The following PRKX variants were observed in gnomAD, a reference collection of about 807,000 sequenced individuals.
PRKX encodes protein kinase cAMP-dependent X-linked catalytic subunit.
A neutral mutation model predicts 22.0 loss-of-function variants in PRKX; 12 were observed. The ratio of observed to expected loss-of-function variants is 0.54; its 90% CI spans 0.35 to 0.88. The LOEUF is 0.88. Ranked by LOEUF, PRKX falls within the 40% of genes least tolerant of loss-of-function variation. PRKX has a pLI of 0.01. For missense variants in PRKX, 217 were observed against 308.0 expected (o/e 0.70, Z 2.21); for synonymous variants, 134 against 137.7 (o/e 0.97, Z 0.19).
intron 1 of PRKX, among the ~76,000 whole-genome samples, chrX:3,687,851 A>T (rs1286761769): frequency 8.9e-6 from 1 of 111,906 alleles, no homozygotes; most frequent in African/African-American, 3.2e-5. Flanking sequence ...CTCCGCTGAG[A>T]CACCAAGGAC....
chrX:3,660,235 G>C (rs754372368), intron 2 of PRKX, among the ~76,000 whole-genome samples: 1 of 111,858 alleles, frequency 8.9e-6, no homozygotes, highest in African/African-American at 3.2e-5. Flanking sequence ...ATAAACTTCT[G>C]TGTCAGCTGG....
In PRKX at chrX:3,659,725, TTTTG is replaced by T. The variant is rs373310927; in HGVS notation, c.336-4317_336-4314del. On this transcript the variant is annotated intron_variant, in intron 2 of 8. Coordinates refer to ENST00000262848, the MANE Select transcript of PRKX (RefSeq NM_005044.5). Reference sequence around the variant, plus strand: ...GGAGTGGTGTTTTTTTTGTTTTTTTTTTTGTTTTTTTTTTTTTTGAGACAGTCTT... The same window carrying T: ...GGAGTGGTGTTTTTTTTGTTTTTTTTTTTTTTTTTTTTTTGAGACAGTCTT... Among the ~76,000 whole-genome samples the T allele has an allele frequency of 8.3e-4, 21 of 25,244 alleles. 1 individual carries two copies. The highest frequency in any genetic ancestry group is 9.4e-4 in the Non-Finnish European group (15 of 15,995). The allele number at this position is 25,244 out of a possible 115,157, so 21.9% of individuals were successfully genotyped here. A position where few individuals can be genotyped will look rare whatever the true frequency, so the allele number is the denominator to read the frequency against.
chrX:3,614,479 C>T lies in PRKX; in HGVS notation c.951+1336G>A, dbSNP rs558963915. On this transcript the variant is annotated intron_variant, in intron 7 of 8. Transcript: ENST00000262848. ...CTCCAGCCTGGGCAACAGAGCAAGA[C>T]GCTGTCTCAAAAAATAAATAATAAA... 3.4e-4 allele frequency among the ~76,000 whole-genome samples: 38 copies of T among 111,907 alleles called. 1 individual carries two copies. The South Asian group carries it at 0.01, about 30-fold the overall frequency.
chrX:3,705,015 T>C (rs1346714175), intron 1 of PRKX, among the ~76,000 whole-genome samples: 1 of 111,804 alleles, frequency 8.9e-6, no homozygotes. Context: ...GAGGTAATGA[T>C]AGACCAGCGC....
chrX:3,626,445 G>A lies in PRKX; in HGVS notation c.789C>T (p.Phe263=). Reference sequence around the variant, plus strand: ...TTACATGGAAATCCAAATGTCTGGGGAAATCTATTTTGCCTGCAAGAATTT... The same window carrying A: ...TTACATGGAAATCCAAATGTCTGGGAAAATCTATTTTGCCTGCAAGAATTT... ...YQKILAGKID[F]PRHLDFHVKD... The change falls in exon 5 of 9, where the codon TTC becomes TTT. Residue 263 remains phenylalanine, a synonymous_variant. Transcript: ENST00000262848. The A allele has an allele frequency of 2.5e-6, 3 of 1,209,513 alleles. No homozygotes were observed. The highest frequency in any genetic ancestry group is 3.4e-6 in the Non-Finnish European group (3 of 893,478).
chrX:3,697,338 C>G (rs1334455949), intron 1 of PRKX, among the ~76,000 whole-genome samples: 7 of 111,393 alleles, frequency 6.3e-5, no homozygotes, highest in African/African-American at 2.0e-4. Context: ...TGCACTCCAG[C>G]CTGGGTGACA....
At position 3,613,854 on chromosome X, in the gene PRKX, C is replaced by CAAAAAAAAAAAAAAAAAAAAAAA. The variant is rs1205221732; in HGVS notation, c.952-1552_952-1530dup. ...TGAGCGACAAAGTGAGACTCCATCT[C>CAAAAAAAAAAAAAAAAAAAAAAA]AAAAAAAAAAAAAAAAAAAAAAAAA... On this transcript the variant is annotated intron_variant, in intron 7 of 8. Coordinates refer to ENST00000262848, the MANE Select transcript of PRKX (RefSeq NM_005044.5). Among the ~76,000 whole-genome samples, 13 of 39,421 alleles carry CAAAAAAAAAAAAAAAAAAAAAAA rather than the reference C, an allele frequency of 3.3e-4. 2 individuals are homozygous for CAAAAAAAAAAAAAAAAAAAAAAA. The highest frequency in any genetic ancestry group is 2.5e-3 in the South Asian group (1 of 397). The allele number at this position is 39,421 out of a possible 115,157, so 34.2% of individuals were successfully genotyped here. A position where few individuals can be genotyped will look rare whatever the true frequency, so the allele number is the denominator to read the frequency against.
intron 7 of PRKX, among the ~76,000 whole-genome samples, chrX:3,612,835 G>T (rs759701871): frequency 4.5e-5 from 5 of 110,425 alleles, no homozygotes. Flanking sequence ...GTCATGTGAT[G>T]GAATACAATG....
At chrX:3,623,528 C>A (rs1926602286) in intron 5 of PRKX, among the ~76,000 whole-genome samples, 1 of 110,718 alleles carries the variant, frequency 9.0e-6, no homozygotes. Context: ...TGCACTCCAG[C>A]CGGGGTGACA....
intron 1 of PRKX, among the ~76,000 whole-genome samples, chrX:3,677,207 T>C (rs1258082261): frequency 9.0e-6 from 1 of 111,461 alleles, no homozygotes; most frequent in Non-Finnish European, 1.9e-5. Flanking sequence ...ACCTAGTTCA[T>C]ATAGTTAACA....
rs371833786 is a variant in PRKX at position 3,621,243 on chromosome X, G to A, written c.873+16C>T. 7.5e-6 allele frequency: 9 copies of A among 1,198,893 alleles called. No individual in the cohort carries two copies. Among genetic ancestry groups the A allele is most frequent in the African/African-American group, 3.5e-5 (2 of 56,617 alleles). On this transcript the variant is annotated intron_variant, in intron 6 of 8. Transcript: ENST00000262848. ...ACATCGGGTACCACTGAATACCCAC[G>A]GGATCAAATACTGACCTTCATGTTT...
intron 2 of PRKX, among the ~76,000 whole-genome samples, chrX:3,656,511 T>C (rs1407023828): frequency 9.0e-6 from 1 of 111,301 alleles, no homozygotes. Context: ...GATGTTAATA[T>C]GTAGGTGTAG....
intron 1 of PRKX, among the ~76,000 whole-genome samples, chrX:3,694,236 A>G (rs974598285): frequency 1.9e-4 from 20 of 107,812 alleles, no homozygotes; most frequent in Non-Finnish European, 3.5e-4. Flanking sequence ...AAAATATAAA[A>G]AATAAGCCAG....
intron 1 of PRKX, among the ~76,000 whole-genome samples, chrX:3,682,582 G>A (rs1487637353): frequency 9.0e-6 from 1 of 111,326 alleles, no homozygotes; most frequent in Non-Finnish European, 1.9e-5. Context: ...AGGTCATCCT[G>A]AAGGTGGTGC....
intron 1 of PRKX, among the ~76,000 whole-genome samples, chrX:3,699,953 AG>A (rs1928523674): frequency 1.8e-5 from 2 of 111,431 alleles, no homozygotes; most frequent in African/African-American, 6.5e-5. Flanking sequence ...TTGGGTGAAG[AG>A]GAGACTGGGA....
chrX:3,644,399 T>A (rs1321940047), intron 3 of PRKX, among the ~76,000 whole-genome samples: 6 of 10,626 alleles, frequency 5.6e-4, no homozygotes, highest in Non-Finnish European at 7.6e-4. Context: ...AGACACTGTC[T>A]CAAAAAAAAA....
intron 3 of PRKX, 30 bp downstream of exon 3, chrX:3,655,119 A>C (rs1462046473): frequency 4.1e-6 from 5 of 1,209,348 alleles, no homozygotes; most frequent in Non-Finnish European, 1.1e-6. Flanking sequence ...CAAGCAGTGT[A>C]GATTCCATCG....
chrX:3,684,060 G>A (rs1928125504), intron 1 of PRKX, among the ~76,000 whole-genome samples: 1 of 111,175 alleles, frequency 9.0e-6, no homozygotes, highest in African/African-American at 3.3e-5. Context: ...AGATCAGCCT[G>A]ACCAACATGG....
chrX:3,609,611 C>T (rs768530136), intron 8 of PRKX, among the ~76,000 whole-genome samples: 7 of 109,212 alleles, frequency 6.4e-5, no homozygotes, highest in South Asian at 7.9e-4. Flanking sequence ...TGTATCACTA[C>T]GCCTGGCTAA....
Sources: allele counts gnomAD v4.1 joint callset (sites outside exome capture counted in the v4.1 genomes callset), GRCh38; gene constraint gnomAD v4.1.1; transcripts MANE v1.5; gene names NCBI Gene and HGNC (gene_info 2026-07-23, HGNC 2026-07-21).